Variants in CCSER2 observed in about 807,000 individuals in gnomAD.
The protein encoded by CCSER2 is serine-rich coiled-coil domain-containing protein 2.
A neutral mutation model predicts 92.3 loss-of-function variants in CCSER2; 46 were observed. That is an observed-to-expected ratio of 0.50 (90% CI 0.39 to 0.64). The LOEUF is 0.64. Ranked by LOEUF, CCSER2 falls within the 30% of genes least tolerant of loss-of-function variation. The pLI is 0.00. For missense variants in CCSER2, 1,244 were observed against 1,238.9 expected (o/e 1.00, Z -0.06); for synonymous variants, 433 against 431.4 (o/e 1.00, Z -0.04).
intron 8 of CCSER2, among the ~76,000 whole-genome samples, chr10:84,476,537 G>A (rs945576578): frequency 6.9e-6 from 1 of 145,208 alleles, no homozygotes; most frequent in Admixed American, 7.5e-5. Context: ...CTCTGCTTCC[G>A]GGTTCATGCC....
chr10:84,401,074 G>T (rs978034015), intron 3 of CCSER2, among the ~76,000 whole-genome samples: 1 of 152,116 alleles, frequency 6.6e-6, no homozygotes, highest in African/African-American at 2.4e-5. Context: ...TGCTTAGAAG[G>T]AAATTTATAG....
intron 6 of CCSER2, chr10:84,456,035 C>G (rs1253635794): frequency 2.1e-6 from 1 of 479,532 alleles, no homozygotes; most frequent in African/African-American, 2.0e-5. Flanking sequence ...CTAGATGTTT[C>G]TGTAGCTCTT....
chr10:84,446,389 A>G (rs1369860081), intron 6 of CCSER2, among the ~76,000 whole-genome samples: 2 of 152,134 alleles, frequency 1.3e-5, no homozygotes, highest in Non-Finnish European at 2.9e-5. Context: ...TTTTTCCCTC[A>G]CATAATTCTC....
intron 9 of CCSER2, among the ~76,000 whole-genome samples, chr10:84,511,061 G>A (rs1849323039): frequency 6.6e-6 from 1 of 152,070 alleles, no homozygotes; most frequent in African/African-American, 2.4e-5. Flanking sequence ...TTCGCATATA[G>A]AAACCACTGA....
At position 84,371,418 on chromosome 10, in the gene CCSER2, A is replaced by G; in HGVS notation, c.366A>G (p.Ser122=). Residue 122 remains serine (S), a synonymous_variant, in exon 2 of 10, where the codon TCA becomes TCG. Transcript: ENST00000372088. ...GGLKSVSLFT[S]KLAKPSTMFV... ...TGAAAAGTGTTTCTTTATTCACATC[A>G]AAGTTAGCAAAGCCATCCACTATGT... 1 of 1,613,564 alleles carries G rather than the reference A, an allele frequency of 6.2e-7. No homozygotes were observed. Among genetic ancestry groups the G allele is most frequent in the African/African-American group, 1.3e-5 (1 of 75,000 alleles).
At chr10:84,493,089 C>T (rs553231687) in intron 9 of CCSER2, among the ~76,000 whole-genome samples, 1 of 152,146 alleles carries the variant, frequency 6.6e-6, no homozygotes, top group African/African-American at 2.4e-5. Context: ...TTATCTGGGC[C>T]TGGAGATTTC....
At chr10:84,512,391 T>A (rs527711884) in intron 9 of CCSER2, among the ~76,000 whole-genome samples, 12,663 of 114,380 alleles carry the variant, frequency 0.11, 725 homozygotes, top group Admixed American at 0.16. Context: ...TGTGTGTGTG[T>A]GTGTGAGAGA....
intron 1 of CCSER2, among the ~76,000 whole-genome samples, chr10:84,358,665 T>G (rs991695769): frequency 2.0e-5 from 3 of 147,506 alleles, no homozygotes; most frequent in Non-Finnish European, 4.5e-5. Flanking sequence ...TATATACATA[T>G]ACATATATGT....
At chr10:84,427,464 G>A (rs572270709) in intron 5 of CCSER2, among the ~76,000 whole-genome samples, 2 of 152,224 alleles carry the variant, frequency 1.3e-5, no homozygotes, top group East Asian at 3.9e-4. Flanking sequence ...TAGCCCCAGG[G>A]CCTTTTCAAT....
chr10:84,497,761 T>A (rs1255876807), intron 9 of CCSER2, among the ~76,000 whole-genome samples: 1 of 152,174 alleles, frequency 6.6e-6, no homozygotes, highest in Non-Finnish European at 1.5e-5. Context: ...CTAAATTATT[T>A]CAGGAATTAA....
intron 6 of CCSER2, among the ~76,000 whole-genome samples, chr10:84,442,438 A>C (rs10887290): frequency 0.36 from 54,253 of 152,038 alleles, 11,583 homozygotes; most frequent in East Asian, 0.5. Context: ...TTGACTGAAA[A>C]AAGTAGGTTA....
chr10:84,329,353 G>A lies in CCSER2; in HGVS notation c.-40+545G>A, dbSNP rs568365358. ...CACCTACTTTCTTGATAAAGTAAAA[G>A]GAGGAATGAAGGGACTCCTTTGTGG... On this transcript the variant is annotated intron_variant, in intron 1 of 9. Coordinates refer to ENST00000372088, the MANE Select transcript of CCSER2 (RefSeq NM_001284240.2). 2.0e-5 allele frequency among the ~76,000 whole-genome samples: 3 copies of A among 152,300 alleles called. No homozygotes were observed. The East Asian group carries it at 5.8e-4, about 29-fold the overall frequency.
intron 9 of CCSER2, chr10:84,499,966 C>G: frequency 6.2e-7 from 1 of 1,613,414 alleles, no homozygotes. Context: ...CAGAGTGAGT[C>G]TGTGTCTCTC....
intron 1 of CCSER2, among the ~76,000 whole-genome samples, chr10:84,336,840 G>A (rs1320415496): frequency 2.1e-5 from 3 of 145,018 alleles, no homozygotes; most frequent in Non-Finnish European, 4.4e-5. Flanking sequence ...GTAATCCTAA[G>A]TGGGAGATGA....
chr10:84,427,083 T>C (rs1026388518), intron 5 of CCSER2, among the ~76,000 whole-genome samples: 1 of 152,212 alleles, frequency 6.6e-6, no homozygotes. Context: ...AAACATATGA[T>C]CACAAATCCC....
intron 8 of CCSER2, among the ~76,000 whole-genome samples, chr10:84,476,384 A>G (rs1182655159): frequency 1.3e-5 from 2 of 150,138 alleles, no homozygotes; most frequent in African/African-American, 2.5e-5. Flanking sequence ...GAGGTTGTTT[A>G]ACAAATAATG....
At chr10:84,373,520 G>T (rs544615007) in intron 2 of CCSER2, 99 bp from the exon 3 acceptor site, 12 of 916,232 alleles carry the variant, frequency 1.3e-5, no homozygotes, top group Admixed American at 8.5e-5. Flanking sequence ...TTTTGAGCCA[G>T]CTTTTTTGCT....
intron 9 of CCSER2, among the ~76,000 whole-genome samples, chr10:84,479,056 A>G (rs1192141229): frequency 1.3e-5 from 2 of 152,172 alleles, no homozygotes; most frequent in East Asian, 3.9e-4. Context: ...TGGTGATTCC[A>G]TTAAGCATGA....
intron 3 of CCSER2, chr10:84,389,022 C>G (rs994432689): frequency 4.0e-6 from 1 of 249,770 alleles, no homozygotes; most frequent in African/African-American, 2.3e-5. Flanking sequence ...AATAACCATT[C>G]GCATCATAAA....
Sources: gnomAD v4.1 joint callset for allele counts (sites outside exome capture counted in the v4.1 genomes callset) on GRCh38, gnomAD v4.1.1 for gene constraint, MANE v1.5 for transcripts, NCBI Gene and HGNC (gene_info 2026-07-23, HGNC 2026-07-21) for gene names.